MINDY4: variants seen among roughly 807,000 people sequenced by gnomAD.
The protein encoded by MINDY4 is probable ubiquitin carboxyl-terminal hydrolase MINDY-4.
A neutral mutation model predicts 87.0 loss-of-function variants in MINDY4; 68 were observed. The observed-to-expected ratio is 0.78, with a 90% CI of 0.64 to 0.96. The LOEUF (loss-of-function observed/expected upper bound fraction) is 0.96, where lower values mean the gene tolerates loss of function less well. Ranked by LOEUF, MINDY4 falls within the 40% of genes least tolerant of loss-of-function variation. The probability of loss-of-function intolerance (pLI) is 0.00; values close to 1 mark genes in which losing one functional copy is unlikely to be tolerated. For synonymous variants in MINDY4, 379 were observed against 363.2 expected, an observed-to-expected ratio of 1.04 and a Z score of -0.50; for missense variants, 919 against 928.2, an observed-to-expected ratio of 0.99 and a Z score of 0.13.
intron 13 of MINDY4, among the ~76,000 whole-genome samples, chr7:30,862,000 TTGAGA>T (rs1287938246): frequency 1.3e-5 from 2 of 152,248 alleles, no homozygotes; most frequent in African/African-American, 2.4e-5. Flanking sequence ...AGAGGTGTAC[TTGAGA>T]AGACACCCAG....
At chr7:30,800,171 G>T (rs1787604939) in intron 5 of MINDY4, among the ~76,000 whole-genome samples, 1 of 152,188 alleles carries the variant, frequency 6.6e-6, no homozygotes, top group African/African-American at 2.4e-5. Flanking sequence ...CTCCATGTCA[G>T]TTCTCATGGC....
intron 15 of MINDY4, among the ~76,000 whole-genome samples, chr7:30,880,947 A>G (rs1790446745): frequency 6.6e-6 from 1 of 152,232 alleles, no homozygotes; most frequent in Non-Finnish European, 1.5e-5. Flanking sequence ...TGTCAGAGAC[A>G]TCCCAGATCA....
At chr7:30,831,991 T>A (rs1052657908) in intron 6 of MINDY4, among the ~76,000 whole-genome samples, 2 of 151,868 alleles carry the variant, frequency 1.3e-5, no homozygotes, top group Admixed American at 1.3e-4. Flanking sequence ...CGTTCTGGAG[T>A]GTTTTGTTTT....
rs905299864 is a variant in MINDY4, at chr7:30,846,109, G to A, written c.1446-4345G>A. ...CCCCTCTGAAGTTGGGGAATTCGAG[G>A]CCCAGATAAGGAGAGGTGCTTGCCC... On this transcript the variant is annotated intron_variant, in intron 9 of 17. Transcript: ENST00000265299. 4.9e-4 allele frequency among the ~76,000 whole-genome samples: 74 copies of A among 152,144 alleles called. 2 individuals are homozygous for A. The highest frequency in any genetic ancestry group is 7.3e-5 in the Non-Finnish European group (5 of 68,040).
Position 30,853,383 on chromosome 7 carries a change from T to A in MINDY4, c.1612-11T>A, listed in dbSNP as rs760611204. 3.3e-5 allele frequency: 53 copies of A among 1,612,444 alleles called. No homozygotes were observed. The Middle Eastern group carries it at 5.0e-4, about 15-fold the overall frequency. ...TTGGGCCACTCATCCTGAGTGTTTG[T>A]GTCTTCTCAGCTTACGCTTCACAGT... is the stretch of plus-strand genomic sequence containing the variant. On this transcript the variant is annotated splice_polypyrimidine_tract_variant and intron_variant, in intron 11 of 17. Coordinates refer to ENST00000265299, the MANE Select transcript of MINDY4 (RefSeq NM_032222.3).
chr7:30,873,595 C>T (rs561493256), intron 14 of MINDY4, among the ~76,000 whole-genome samples: 32 of 152,292 alleles, frequency 2.1e-4, no homozygotes, highest in Middle Eastern at 3.4e-3. Context: ...CCAGGGAGGG[C>T]GATTCTGCTG....
At chr7:30,773,167 CCACG>C (rs1786697325) in intron 1 of MINDY4, among the ~76,000 whole-genome samples, 1 of 152,226 alleles carries the variant, frequency 6.6e-6, no homozygotes, top group Admixed American at 6.5e-5. Context: ...AGGGCAGAGA[CCACG>C]TGCTCCCCAC....
At chr7:30,852,724 A>C (rs931072097) in intron 11 of MINDY4, among the ~76,000 whole-genome samples, 3 of 152,242 alleles carry the variant, frequency 2.0e-5, no homozygotes, top group African/African-American at 7.2e-5. Flanking sequence ...AGTCATACAC[A>C]ATCGGGGAAA....
intron 8 of MINDY4, among the ~76,000 whole-genome samples, chr7:30,840,119 T>C (rs1481525193): frequency 6.6e-6 from 1 of 152,186 alleles, no homozygotes; most frequent in Non-Finnish European, 1.5e-5. Flanking sequence ...GGATGAGGTC[T>C]GTTTGTGTTG....
At chr7:30,807,741 CCTGTT>C (rs1215190418) in intron 5 of MINDY4, among the ~76,000 whole-genome samples, 6 of 152,158 alleles carry the variant, frequency 3.9e-5, no homozygotes, top group Admixed American at 6.5e-5. Flanking sequence ...AAATCCCTGT[CCTGTT>C]CTGTTCTGTT....
chr7:30,774,479 C>T (rs1786747851), intron 1 of MINDY4, among the ~76,000 whole-genome samples: 1 of 152,156 alleles, frequency 6.6e-6, no homozygotes, highest in Admixed American at 6.5e-5. Context: ...CCCATCTTGA[C>T]CCCCAAACCC....
chr7:30,869,013 C>T (rs1661491778), intron 13 of MINDY4, among the ~76,000 whole-genome samples: 1 of 152,192 alleles, frequency 6.6e-6, no homozygotes, highest in African/African-American at 2.4e-5. Context: ...GGATTGAAAT[C>T]CCAGCAAGCT....
At position 30,810,526 on chromosome 7, in the gene MINDY4, CAT is replaced by C. The variant is rs1278502492; in HGVS notation, c.1074-18150_1074-18149del. On this transcript the variant is annotated intron_variant, in intron 5 of 17. Coordinates refer to ENST00000265299, the MANE Select transcript of MINDY4 (RefSeq NM_032222.3). Reference sequence around the variant, plus strand: ...ATATACAAAAAATTCTGTGTGTAAACATATTAGCTACAGTTAAAGGGGTATCA... The same window carrying C: ...ATATACAAAAAATTCTGTGTGTAAACATTAGCTACAGTTAAAGGGGTATCA... Among the ~76,000 whole-genome samples the C allele has an allele frequency of 1.2e-4, 18 of 152,016 alleles. No individual in the cohort carries two copies. In the East Asian group the frequency reaches 3.5e-3, roughly 30 times the overall value.
intron 5 of MINDY4, among the ~76,000 whole-genome samples, chr7:30,816,898 T>C (rs943523300): frequency 1.3e-5 from 2 of 152,188 alleles, no homozygotes; most frequent in African/African-American, 4.8e-5. Context: ...AATATTCCTT[T>C]TATATGTTGT....
At chr7:30,835,272 G>A (rs1245217556) in intron 6 of MINDY4, among the ~76,000 whole-genome samples, 1 of 152,234 alleles carries the variant, frequency 6.6e-6, no homozygotes, top group Admixed American at 6.5e-5. Context: ...GTGGATGGCA[G>A]CAGGCAAAGA....
chr7:30,880,043 G>A (rs1790409949), intron 15 of MINDY4, among the ~76,000 whole-genome samples: 1 of 152,170 alleles, frequency 6.6e-6, no homozygotes, highest in Non-Finnish European at 1.5e-5. Context: ...AATCTGGTAA[G>A]CTCCATAAGG....
chr7:30,859,165 C>A, intron 12 of MINDY4, 92 bp from the exon 13 acceptor site: 1 of 1,316,364 alleles, frequency 7.6e-7, no homozygotes, highest in Non-Finnish European at 1.1e-6. Context: ...TCAGGGCAGG[C>A]TGCTCCCTGG....
At chr7:30,774,187 C>G (rs2128164168) in intron 1 of MINDY4, among the ~76,000 whole-genome samples, 1 of 152,338 alleles carries the variant, frequency 6.6e-6, no homozygotes, top group Non-Finnish European at 1.5e-5. Context: ...CTCTTCAAAC[C>G]CTGAAGCTCC....
Position 30,778,538 on chromosome 7 carries a change from A to C in MINDY4, c.170A>C (p.Tyr57Ser). 1 of 1,614,242 alleles carries C rather than the reference A, an allele frequency of 6.2e-7. No homozygotes were observed. The change falls in exon 2 of 18, where the codon TAT becomes TCT. Residue 57 changes from tyrosine (Y) to serine (S), a missense_variant. By Grantham distance (144) the Tyr-to-Ser change is moderately radical. Transcript: ENST00000265299. ...LRKVLHLEFL[Y>S]KENKAKENPL... ...AAGGTTTTGCATCTTGAATTTCTCTATAAGGAGAACAAGGTATGTGCTTTC... is the reference window on the plus strand; with the variant it reads ...AAGGTTTTGCATCTTGAATTTCTCTCTAAGGAGAACAAGGTATGTGCTTTC...
Sources: allele counts gnomAD v4.1 joint callset (sites outside exome capture counted in the v4.1 genomes callset), GRCh38; gene constraint gnomAD v4.1.1; transcripts MANE v1.5; gene names NCBI Gene and HGNC (gene_info 2026-07-23, HGNC 2026-07-21).